Variants in RTN1 observed in about 807,000 individuals in gnomAD.
The protein encoded by RTN1 is reticulon 1.
A neutral mutation model predicts 65.5 loss-of-function variants in RTN1; 25 were observed. The ratio of observed to expected loss-of-function variants is 0.38; its 90% CI spans 0.28 to 0.53. The LOEUF (loss-of-function observed/expected upper bound fraction) is 0.53, where lower values mean the gene tolerates loss of function less well. Ranked by LOEUF, RTN1 falls within the 20% of genes least tolerant of loss-of-function variation. The pLI, the probability that RTN1 is intolerant of heterozygous loss-of-function variation, is 0.79. For synonymous variants in RTN1, 471 were observed against 447.6 expected, an observed-to-expected ratio of 1.05 and a Z score of -0.66; for missense variants, 983 against 1,025.4, an observed-to-expected ratio of 0.96 and a Z score of 0.57.
chr14:59,666,434 TA>T (rs1436546252), intron 3 of RTN1, among the ~76,000 whole-genome samples: 1 of 152,144 alleles, frequency 6.6e-6, no homozygotes, highest in Non-Finnish European at 1.5e-5. Flanking sequence ...GGGACACATT[TA>T]AAGCAGTGTG....
intron 1 of RTN1, among the ~76,000 whole-genome samples, chr14:59,777,094 C>T (rs1886066199): frequency 1.3e-5 from 2 of 152,154 alleles, no homozygotes; most frequent in African/African-American, 4.8e-5. Context: ...TGTTGTCCTT[C>T]AGGCATGGAA....
At chr14:59,719,320 T>C (rs1243715536) in intron 3 of RTN1, among the ~76,000 whole-genome samples, 3 of 152,202 alleles carry the variant, frequency 2.0e-5, no homozygotes, top group South Asian at 2.1e-4. Flanking sequence ...TTGCATTTTA[T>C]ATTGTCTGGA....
chr14:59,805,447 C>CCT (rs2139605879), intron 1 of RTN1, among the ~76,000 whole-genome samples: 1 of 152,278 alleles, frequency 6.6e-6, no homozygotes, highest in Non-Finnish European at 1.5e-5. Flanking sequence ...TATGTCTGGC[C>CCT]AGGTCTCTGC....
At position 59,766,201 on chromosome 14, in the gene RTN1, G is replaced by A; in HGVS notation, c.242-19720C>T. On this transcript the variant is annotated intron_variant, in intron 1 of 8. Coordinates refer to ENST00000267484, the MANE Select transcript of RTN1 (RefSeq NM_021136.3). The surrounding 1 kb of genome is among the most constrained non-coding windows in gnomAD (Gnocchi z 4.4). ...GTGGAGATCATGCCAATGCACTCCA[G>A]CCTGGGTGACAGAGTGAGACGCTGT... Among the ~76,000 whole-genome samples, 1 of 151,096 alleles carries A rather than the reference G, an allele frequency of 6.6e-6. No homozygotes were observed. Among genetic ancestry groups the A allele is most frequent in the Middle Eastern group, 3.4e-3 (1 of 292 alleles).
At chr14:59,815,469 T>C (rs1002203325) in intron 1 of RTN1, among the ~76,000 whole-genome samples, 40 of 152,294 alleles carry the variant, frequency 2.6e-4, no homozygotes, top group African/African-American at 9.1e-4. Context: ...CAAATCCCCC[T>C]ACAGTTGCCA....
chr14:59,694,034 T>A (rs1884013365), intron 3 of RTN1, among the ~76,000 whole-genome samples: 1 of 152,206 alleles, frequency 6.6e-6, no homozygotes, highest in African/African-American at 2.4e-5. Flanking sequence ...CAATTTGGTT[T>A]AAAGGAGATG....
chr14:59,820,020 T>G (rs1414034484), intron 1 of RTN1, among the ~76,000 whole-genome samples: 5 of 152,230 alleles, frequency 3.3e-5, no homozygotes, highest in Non-Finnish European at 5.9e-5. Flanking sequence ...GAAGGGCTAC[T>G]CAAGCATGGC....
chr14:59,817,566 CTTT>C (rs1174917440), intron 1 of RTN1, among the ~76,000 whole-genome samples: 2 of 151,706 alleles, frequency 1.3e-5, no homozygotes, highest in South Asian at 2.1e-4. Flanking sequence ...TCCACCACTT[CTTT>C]ATTAATGGGA....
At chr14:59,866,222 T>G (rs1887795453) in intron 1 of RTN1, among the ~76,000 whole-genome samples, 1 of 152,156 alleles carries the variant, frequency 6.6e-6, no homozygotes. Context: ...GCACAGATCC[T>G]TACACAAAGG....
At chr14:59,777,381 G>A (rs1486680604) in intron 1 of RTN1, among the ~76,000 whole-genome samples, 1 of 152,042 alleles carries the variant, frequency 6.6e-6, no homozygotes, top group African/African-American at 2.4e-5. Flanking sequence ...TCATCAATTG[G>A]AAATAGACCA....
At chr14:59,734,011 A>C (rs1002685701) in intron 2 of RTN1, among the ~76,000 whole-genome samples, 15 of 152,194 alleles carry the variant, frequency 9.9e-5, no homozygotes, top group Non-Finnish European at 1.6e-4. Flanking sequence ...CTCCCCTGGG[A>C]TGGAGCTTCC....
intron 4 of RTN1, 102 bp from the exon 5 acceptor site, chr14:59,605,608 G>T: frequency 1.6e-6 from 2 of 1,276,738 alleles, no homozygotes; most frequent in Non-Finnish European, 2.2e-6. Flanking sequence ...CACTCTGAGG[G>T]TGAGAGCAGG....
intron 1 of RTN1, among the ~76,000 whole-genome samples, chr14:59,841,499 C>T (rs1594763125): frequency 6.6e-6 from 1 of 152,130 alleles, no homozygotes; most frequent in Non-Finnish European, 1.5e-5. Flanking sequence ...AGTTCGAGAC[C>T]AGCCTGGCCA....
intron 1 of RTN1, among the ~76,000 whole-genome samples, chr14:59,847,084 A>G (rs1461111355): frequency 6.6e-6 from 1 of 152,148 alleles, no homozygotes; most frequent in Non-Finnish European, 1.5e-5. Context: ...CATGCTTTAA[A>G]ACTCACTTCC....
chr14:59,644,616 G>A (rs968182675), intron 3 of RTN1, among the ~76,000 whole-genome samples: 6 of 152,224 alleles, frequency 3.9e-5, no homozygotes, highest in African/African-American at 1.2e-4. Context: ...GAATCCAGGG[G>A]ACTGAGCAGT....
intron 3 of RTN1, among the ~76,000 whole-genome samples, chr14:59,681,752 T>C (rs993669188): frequency 6.6e-6 from 1 of 152,192 alleles, no homozygotes; most frequent in Non-Finnish European, 1.5e-5. Context: ...CGTGTTCCAC[T>C]AAGCAGCCTT....
chr14:59,857,076 G>A (rs1453240396), intron 1 of RTN1, among the ~76,000 whole-genome samples: 1 of 152,130 alleles, frequency 6.6e-6, no homozygotes, highest in Non-Finnish European at 1.5e-5. Flanking sequence ...CTTGGCTTTT[G>A]TGATACTATA....
intron 2 of RTN1, among the ~76,000 whole-genome samples, chr14:59,735,739 A>C (rs1884989463): frequency 6.6e-6 from 1 of 152,210 alleles, no homozygotes; most frequent in South Asian, 2.1e-4. Context: ...TTCATAAAGC[A>C]AGTTCTTAGA....
chr14:59,870,069 G>T lies in RTN1; in HGVS notation c.241+321C>A, dbSNP rs1887867695. Among the ~76,000 whole-genome samples, 3 of 152,188 alleles carry T rather than the reference G, an allele frequency of 2.0e-5. No individual in the cohort carries two copies. The highest frequency in any genetic ancestry group is 2.0e-4 in the Admixed American group (3 of 15,282). ...TACAGCTCGGAGCCTCCTGGCAGGA[G>T]GGAGAAACTTGTACCCAGACTCGCC... On this transcript the variant is annotated intron_variant, in intron 1 of 8. Coordinates refer to ENST00000267484, the MANE Select transcript of RTN1 (RefSeq NM_021136.3). The surrounding 1 kb of genome is among the most constrained non-coding windows in gnomAD (Gnocchi z 5.1).
Sources: allele counts gnomAD v4.1 joint callset (sites outside exome capture counted in the v4.1 genomes callset), GRCh38; gene constraint gnomAD v4.1.1; non-coding constraint Gnocchi (gnomAD v3.1); transcripts MANE v1.5; gene names NCBI Gene and HGNC (gene_info 2026-07-23, HGNC 2026-07-21).